The following LCOR variants were observed in gnomAD, a reference collection of about 807,000 sequenced individuals.
The protein encoded by LCOR is ligand-dependent corepressor.
LCOR carries 14 observed loss-of-function variants against 64.4 expected under a neutral mutation model. That is an observed-to-expected ratio of 0.22 (90% confidence interval 0.14 to 0.34). The LOEUF is 0.34. Ranked by LOEUF, LCOR falls within the 10% of genes least tolerant of loss-of-function variation. The probability of loss-of-function intolerance (pLI) is 1.00; values close to 1 mark genes in which losing one functional copy is unlikely to be tolerated. For synonymous variants in LCOR, 643 were observed against 642.5 expected (o/e 1.00, Z -0.01); for missense variants, 1,686 against 1,765.3 (o/e 0.96, Z 0.80).
intron 2 of LCOR, among the ~76,000 whole-genome samples, chr10:96,863,483 T>C (rs1845923584): frequency 6.6e-6 from 1 of 152,152 alleles, no homozygotes; most frequent in Admixed American, 6.6e-5. Flanking sequence ...GGATTACAGG[T>C]GTGAGCTACC....
chr10:96,840,976 C>T (rs1315905823), intron 2 of LCOR, among the ~76,000 whole-genome samples: 3 of 152,186 alleles, frequency 2.0e-5, no homozygotes, highest in African/African-American at 4.8e-5. Context: ...TGTCTCCACA[C>T]AAAATACAAA....
chr10:96,840,476 A>C (rs1339138790), intron 2 of LCOR, among the ~76,000 whole-genome samples: 2 of 152,222 alleles, frequency 1.3e-5, no homozygotes, highest in African/African-American at 4.8e-5. Flanking sequence ...TAAGAGCAGG[A>C]TACGTCAGGG....
chr10:96,851,925 A>G (rs1448199251), intron 2 of LCOR, among the ~76,000 whole-genome samples: 2 of 152,194 alleles, frequency 1.3e-5, no homozygotes, highest in Non-Finnish European at 2.9e-5. Context: ...TTTAATGTTA[A>G]GTCCTTATGT....
rs555234645 is a variant in LCOR, at chr10:96,856,964, A to T, written c.-330+23485A>T. Among the ~76,000 whole-genome samples, 12 of 152,226 alleles carry T rather than the reference A, an allele frequency of 7.9e-5. No homozygotes were observed. In the East Asian group the frequency reaches 2.3e-3, roughly 29 times the overall value. The stretch of plus-strand genomic sequence containing the variant: ...ATAGTAGGGAACAGTATGGGGGAAG[A>T]TCTACTTAATTTCAGGAAGTAGAAA... On this transcript the variant is annotated intron_variant, in intron 2 of 7. Coordinates refer to ENST00000421806, the MANE Select transcript of LCOR (RefSeq NM_001346516.2).
chr10:96,963,464 C>T (rs1847912684), intron 7 of LCOR: 1 of 152,164 alleles, frequency 6.6e-6, no homozygotes. Context: ...CTAGTTTATG[C>T]AATGTCTTTA....
intron 7 of LCOR, chr10:96,962,475 G>T (rs912198135): frequency 2.0e-5 from 3 of 152,082 alleles, no homozygotes; most frequent in Non-Finnish European, 2.9e-5. Flanking sequence ...TTTTTAAGTT[G>T]TGGAAGGGTA....
chr10:96,901,839 G>A (rs558277510), intron 2 of LCOR, among the ~76,000 whole-genome samples: 2 of 151,980 alleles, frequency 1.3e-5, no homozygotes, highest in South Asian at 4.2e-4. Context: ...GCGCAATCTC[G>A]GCTCACTGCA....
chr10:96,956,800 C>T (rs1248886304), intron 7 of LCOR: 26 of 985,702 alleles, frequency 2.6e-5, no homozygotes, highest in Non-Finnish European at 2.8e-5. Context: ...CTCATTTTAG[C>T]AAACTAGGTT....
intron 2 of LCOR, among the ~76,000 whole-genome samples, chr10:96,897,827 A>G (rs1343839831): frequency 6.6e-6 from 1 of 150,906 alleles, no homozygotes; most frequent in Non-Finnish European, 1.5e-5. Flanking sequence ...TTTAGTCTAT[A>G]GATACAGAGA....
At chr10:96,920,500 A>G (rs12777011) in intron 4 of LCOR, among the ~76,000 whole-genome samples, 3 of 141,526 alleles carry the variant, frequency 2.1e-5, no homozygotes, top group South Asian at 2.1e-4. Flanking sequence ...ATATATGTGT[A>G]TATATGTATG....
At chr10:96,912,394 T>A (rs1846853845) in intron 4 of LCOR, among the ~76,000 whole-genome samples, 1 of 152,112 alleles carries the variant, frequency 6.6e-6, no homozygotes, top group East Asian at 1.9e-4. Flanking sequence ...AAATTAACAA[T>A]GATACAATAG....
chr10:96,978,107 T>C (rs1430271347), intron 7 of LCOR, among the ~76,000 whole-genome samples: 1 of 152,218 alleles, frequency 6.6e-6, no homozygotes, highest in East Asian at 1.9e-4. Context: ...GTAGACATAG[T>C]GACAAAGTTC....
At chr10:96,944,548 G>A (rs779414439) in intron 5 of LCOR, among the ~76,000 whole-genome samples, 5 of 150,594 alleles carry the variant, frequency 3.3e-5, no homozygotes, top group Non-Finnish European at 7.4e-5. Flanking sequence ...TTCTTATGGA[G>A]ACAGTTACTG....
chr10:96,837,480 A>T (rs1845466592), intron 2 of LCOR, among the ~76,000 whole-genome samples: 2 of 138,062 alleles, frequency 1.4e-5, no homozygotes, highest in Admixed American at 7.4e-5. Flanking sequence ...CTGGTCTTGA[A>T]CTCCTGACCT....
intron 2 of LCOR, among the ~76,000 whole-genome samples, chr10:96,855,493 G>A (rs1589607965): frequency 6.6e-6 from 1 of 152,040 alleles, no homozygotes; most frequent in South Asian, 2.1e-4. Flanking sequence ...GGAGTGCAAT[G>A]ACGCGATCTT....
intron 2 of LCOR, among the ~76,000 whole-genome samples, chr10:96,841,223 T>C (rs1845534240): frequency 6.6e-6 from 1 of 152,220 alleles, no homozygotes; most frequent in Non-Finnish European, 1.5e-5. Context: ...CTCACAAGAA[T>C]TTTTTAAATG....
chr10:96,952,263 C>T (rs1564636270), intron 7 of LCOR, 67 bp downstream of exon 7: 1 of 1,041,580 alleles, frequency 9.6e-7, no homozygotes, highest in South Asian at 1.4e-5. Context: ...TGATGCCAGT[C>T]TCCCTTTTAC....
At chr10:96,956,751 G>C (rs1244378150) in intron 7 of LCOR, 1 of 985,644 alleles carries the variant, frequency 1.0e-6, no homozygotes, top group Non-Finnish European at 1.2e-6. Flanking sequence ...ATTTACTCAG[G>C]AGCAGTCAGG....
At chr10:96,933,782 T>C (rs1356324444) in intron 4 of LCOR, among the ~76,000 whole-genome samples, 1 of 152,160 alleles carries the variant, frequency 6.6e-6, no homozygotes, top group Non-Finnish European at 1.5e-5. Context: ...TTTCCCAAAG[T>C]GCTAGGATTA....
Sources: gnomAD v4.1 joint callset for allele counts (sites outside exome capture counted in the v4.1 genomes callset) on GRCh38, gnomAD v4.1.1 for gene constraint, MANE v1.5 for transcripts, NCBI Gene and HGNC (gene_info 2026-07-23, HGNC 2026-07-21) for gene names.